Variants in RBFOX3 observed in about 807,000 individuals in gnomAD.
The protein encoded by RBFOX3 is RNA binding fox-1 homolog 3.
In RBFOX3, 17 loss-of-function variants were observed where a neutral mutation model predicts 48.7. The observed-to-expected ratio is 0.35, with a 90% CI of 0.24 to 0.52. The LOEUF is 0.52. Among genes scored for constraint, RBFOX3 ranks in the 20% least tolerant of loss-of-function variants. The pLI is 0.94. For synonymous variants in RBFOX3, 212 were observed against 209.5 expected, an observed-to-expected ratio of 1.01 and a Z score of -0.10; for missense variants, 382 against 497.5, an observed-to-expected ratio of 0.77 and a Z score of 2.21.
intron 4 of RBFOX3, among the ~76,000 whole-genome samples, chr17:79,146,888 C>A (rs2043152341): frequency 6.6e-6 from 1 of 152,360 alleles, no homozygotes; most frequent in South Asian, 2.1e-4. Flanking sequence ...CTGCTGTGAG[C>A]CCCTGGGCAG....
chr17:79,255,885 C>T (rs1370580675), intron 3 of RBFOX3, among the ~76,000 whole-genome samples: 1 of 151,252 alleles, frequency 6.6e-6, no homozygotes, highest in Non-Finnish European at 1.5e-5. Context: ...ACTTCTGGGA[C>T]TCCTGTCTTC....
intron 2 of RBFOX3, among the ~76,000 whole-genome samples, chr17:79,431,197 C>T (rs887737173): frequency 2.0e-5 from 3 of 152,180 alleles, no homozygotes; most frequent in East Asian, 1.9e-4. Flanking sequence ...CTTAAACACG[C>T]GGTCTGTTCT....
intron 1 of RBFOX3, among the ~76,000 whole-genome samples, chr17:79,560,672 T>C (rs1427496462): frequency 1.3e-5 from 2 of 151,940 alleles, no homozygotes; most frequent in Non-Finnish European, 2.9e-5. Flanking sequence ...CAACCTCACC[T>C]CACCACAGCC....
intron 1 of RBFOX3, among the ~76,000 whole-genome samples, chr17:79,604,211 G>A (rs2093775744): frequency 1.3e-5 from 2 of 152,188 alleles, no homozygotes; most frequent in Non-Finnish European, 2.9e-5. Flanking sequence ...AACTAACTGA[G>A]TGAAGACTCA....
At chr17:79,338,694 C>T (rs1179782407) in intron 2 of RBFOX3, among the ~76,000 whole-genome samples, 2 of 152,140 alleles carry the variant, frequency 1.3e-5, no homozygotes, top group African/African-American at 2.4e-5. Flanking sequence ...TTTTGGAACT[C>T]GCATTGCTAC....
chr17:79,241,924 A>G (rs1397385022), intron 3 of RBFOX3, among the ~76,000 whole-genome samples: 2 of 152,208 alleles, frequency 1.3e-5, no homozygotes, highest in Admixed American at 1.3e-4. Flanking sequence ...CACCTCCCAA[A>G]GGTCCCATCT....
chr17:79,360,584 G>C (rs1205369565), intron 2 of RBFOX3, among the ~76,000 whole-genome samples: 3 of 152,190 alleles, frequency 2.0e-5, no homozygotes, highest in Admixed American at 2.0e-4. Context: ...TCTCACCGCT[G>C]CCCGTGGAGG....
intron 4 of RBFOX3, among the ~76,000 whole-genome samples, chr17:79,167,794 G>A (rs1019700812): frequency 2.0e-5 from 3 of 152,222 alleles, no homozygotes; most frequent in African/African-American, 4.8e-5. Context: ...GCCGGAGCAC[G>A]GGGCCTGGAG....
intron 3 of RBFOX3, among the ~76,000 whole-genome samples, chr17:79,277,580 C>G (rs1045118120): frequency 2.0e-5 from 3 of 152,232 alleles, no homozygotes; most frequent in Non-Finnish European, 4.4e-5. Flanking sequence ...CCAAGGATGG[C>G]CTGGCCACTG....
chr17:79,157,950 A>G (rs2046188764), intron 4 of RBFOX3, among the ~76,000 whole-genome samples: 2 of 152,190 alleles, frequency 1.3e-5, no homozygotes, highest in Non-Finnish European at 2.9e-5. Context: ...ACCGAGCTGT[A>G]TCACCCGCTC....
chr17:79,489,340 G>GC (rs1333148099), intron 1 of RBFOX3, among the ~76,000 whole-genome samples: 1 of 151,534 alleles, frequency 6.6e-6, no homozygotes, highest in Non-Finnish European at 1.5e-5. Flanking sequence ...TGTCACCCAG[G>GC]CTGGAGTGCA....
chr17:79,210,724 AC>A (rs1207903817), intron 4 of RBFOX3, among the ~76,000 whole-genome samples: 1 of 151,894 alleles, frequency 6.6e-6, no homozygotes, highest in African/African-American at 2.4e-5. Flanking sequence ...GTGCCCTACC[AC>A]CCTCCATCTG....
At position 79,311,785 on chromosome 17, in the gene RBFOX3, C is replaced by T. The variant is rs1229244048; in HGVS notation, c.-174-3961G>A. 6.6e-6 allele frequency among the ~76,000 whole-genome samples: 1 copy of T among 152,134 alleles called. No homozygotes were observed. Among genetic ancestry groups the T allele is most frequent in the Non-Finnish European group, 1.5e-5 (1 of 68,030 alleles). ...CTGGCTGGTGGAGTGGGAAGCAGTG[C>T]CCCCATGATGGCAGAAACGGGGAAC... On this transcript the variant is annotated intron_variant, in intron 2 of 14. Transcript: ENST00000693108. The surrounding 1 kb of genome is among the most constrained non-coding windows in gnomAD (Gnocchi z 4.2).
intron 4 of RBFOX3, among the ~76,000 whole-genome samples, chr17:79,191,634 C>T (rs768237681): frequency 5.8e-4 from 88 of 152,246 alleles, no homozygotes; most frequent in Non-Finnish European, 9.1e-4. Flanking sequence ...AGTGACGAGG[C>T]GGCCGGCGGC....
the RBFOX3 span, among the ~76,000 whole-genome samples, chr17:79,636,975 A>ATATCATTG: frequency 6.6e-6 from 1 of 152,226 alleles, no homozygotes; most frequent in Non-Finnish European, 1.5e-5. Flanking sequence ...ATGGGAAAGG[A>ATATCATTG]TATTCCATAC....
chr17:79,428,939 G>A (rs376492880), intron 2 of RBFOX3, among the ~76,000 whole-genome samples: 7 of 152,296 alleles, frequency 4.6e-5, no homozygotes, highest in African/African-American at 1.2e-4. Context: ...CAGAGTTCCC[G>A]GAGTGGCTGA....
chr17:79,610,055 C>T (rs924242367), intron 1 of RBFOX3, among the ~76,000 whole-genome samples: 1 of 152,028 alleles, frequency 6.6e-6, no homozygotes, highest in East Asian at 2.0e-4. Context: ...GCCTTCCTAT[C>T]GTGCTTGGGG....
intron 3 of RBFOX3, among the ~76,000 whole-genome samples, chr17:79,278,600 G>A (rs2069498351): frequency 1.3e-5 from 2 of 152,254 alleles, no homozygotes; most frequent in Admixed American, 6.5e-5. Flanking sequence ...GGTGCCGGCC[G>A]GGCCTGTGCC....
chr17:79,450,251 A>C (rs2073220114), intron 2 of RBFOX3, among the ~76,000 whole-genome samples: 1 of 152,218 alleles, frequency 6.6e-6, no homozygotes, highest in Non-Finnish European at 1.5e-5. Context: ...AGCAGAAAGG[A>C]AAAGAGGCCA....
Sources: gnomAD v4.1 joint callset for allele counts (sites outside exome capture counted in the v4.1 genomes callset) on GRCh38, gnomAD v4.1.1 for gene constraint, Gnocchi (gnomAD v3.1) non-coding constraint, MANE v1.5 for transcripts, NCBI Gene and HGNC (gene_info 2026-07-23, HGNC 2026-07-21) for gene names.